The following TSPAN5 variants were observed in gnomAD, a reference collection of about 807,000 sequenced individuals.
TSPAN5 encodes tetraspanin-5.
TSPAN5 carries 10 observed loss-of-function variants against 37.1 expected under a neutral mutation model. The ratio of observed to expected loss-of-function variants is 0.27; its 90% CI spans 0.17 to 0.46. The LOEUF (loss-of-function observed/expected upper bound fraction) is 0.46. Ranked by LOEUF, TSPAN5 falls within the 20% of genes least tolerant of loss-of-function variation. TSPAN5 has a pLI of 1.00. For synonymous variants in TSPAN5, 110 were observed against 118.9 expected, an observed-to-expected ratio of 0.93 and a Z score of 0.48; for missense variants, 195 against 326.6, an observed-to-expected ratio of 0.60 and a Z score of 3.11.
At chr4:98,614,902 G>A (rs4699662) in intron 1 of TSPAN5, among the ~76,000 whole-genome samples, 39,607 of 152,054 alleles carry the variant, frequency 0.26, 5,672 homozygotes, top group South Asian at 0.45. Context: ...AAATGCCATC[G>A]CAGCCAACAG....
chr4:98,512,373 C>T (rs774994036), intron 1 of TSPAN5, among the ~76,000 whole-genome samples: 9 of 152,170 alleles, frequency 5.9e-5, no homozygotes, highest in East Asian at 1.9e-4. Context: ...AGCTCAGGGA[C>T]GGAGAACTGT....
chr4:98,615,212 T>A (rs1415326004), intron 1 of TSPAN5, among the ~76,000 whole-genome samples: 1 of 151,790 alleles, frequency 6.6e-6, no homozygotes, highest in Non-Finnish European at 1.5e-5. Flanking sequence ...TGCTACAGAG[T>A]TTTTGTGCCT....
chr4:98,511,312 T>C (rs1265188523), intron 1 of TSPAN5, among the ~76,000 whole-genome samples: 2 of 152,156 alleles, frequency 1.3e-5, no homozygotes, highest in African/African-American at 4.8e-5. Context: ...TTCTGAGAAA[T>C]GTGTAGTCAT....
intron 1 of TSPAN5, among the ~76,000 whole-genome samples, chr4:98,616,014 C>G (rs1354188114): frequency 6.6e-6 from 1 of 152,126 alleles, no homozygotes; most frequent in Admixed American, 6.5e-5. Context: ...GCACACACCA[C>G]CCCGGAGAGT....
intron 1 of TSPAN5, among the ~76,000 whole-genome samples, chr4:98,590,249 G>GCAAAAA (rs1321604049): frequency 3.9e-5 from 6 of 152,160 alleles, no homozygotes; most frequent in Non-Finnish European, 8.8e-5. Flanking sequence ...ATAGGGACCT[G>GCAAAAA]AGCCAGGAAG....
intron 1 of TSPAN5, among the ~76,000 whole-genome samples, chr4:98,580,805 G>A (rs147517013): frequency 1.4e-3 from 211 of 152,236 alleles, no homozygotes; most frequent in Non-Finnish European, 2.0e-3. Context: ...TTGGAGACCC[G>A]TACAGGAAGA....
chr4:98,525,329 C>T lies in TSPAN5; in HGVS notation c.82-17601G>A, dbSNP rs142276069. 4.9e-3 allele frequency among the ~76,000 whole-genome samples: 746 copies of T among 152,288 alleles called. 5 individuals are homozygous for T. Among genetic ancestry groups the T allele is most frequent in the Middle Eastern group, 0.014 (4 of 294 alleles). ...GTGCAGAGTTTGCACATTTGCCCCA[C>T]GTCTGCATGGGTTTTCTTTGGGTAC... On this transcript the variant is annotated intron_variant, in intron 1 of 7. Coordinates refer to ENST00000305798, the MANE Select transcript of TSPAN5 (RefSeq NM_005723.4).
chr4:98,558,109 AG>A (rs1211106549), intron 1 of TSPAN5, among the ~76,000 whole-genome samples: 1 of 152,238 alleles, frequency 6.6e-6, no homozygotes. Context: ...TAACAAATGC[AG>A]TATATTAACA....
At chr4:98,489,481 C>T (rs1318129352) in intron 2 of TSPAN5, among the ~76,000 whole-genome samples, 2 of 152,164 alleles carry the variant, frequency 1.3e-5, no homozygotes, top group Non-Finnish European at 2.9e-5. Flanking sequence ...GGTCCCCTCC[C>T]GTTGTATGGG....
intron 3 of TSPAN5, chr4:98,484,362 G>T: frequency 2.3e-6 from 1 of 439,606 alleles, no homozygotes; most frequent in Non-Finnish European, 4.5e-6. Flanking sequence ...GAGCTATTTG[G>T]AGTCCTGTGG....
At chr4:98,596,577 G>A (rs1352225238) in intron 1 of TSPAN5, among the ~76,000 whole-genome samples, 1 of 86,486 alleles carries the variant, frequency 1.2e-5, no homozygotes, top group Non-Finnish European at 2.1e-5. Flanking sequence ...GGTGGTACCG[G>A]TTGTTCCTTT....
At chr4:98,609,337 G>A (rs1454456210) in intron 1 of TSPAN5, among the ~76,000 whole-genome samples, 2 of 152,166 alleles carry the variant, frequency 1.3e-5, no homozygotes, top group Non-Finnish European at 2.9e-5. Context: ...AGCCAGAGTG[G>A]GGCGCACCCA....
At chr4:98,574,557 T>G (rs1267364890) in intron 1 of TSPAN5, 2 of 152,190 alleles carry the variant, frequency 1.3e-5, no homozygotes, top group Non-Finnish European at 2.9e-5. Flanking sequence ...TATCAAGGTT[T>G]CTCCCCTTCC....
intron 2 of TSPAN5, chr4:98,496,683 T>G (rs1484802506): frequency 6.6e-6 from 1 of 151,992 alleles, no homozygotes; most frequent in Non-Finnish European, 1.5e-5. Flanking sequence ...GAAACTACCA[T>G]CTCTACACAC....
rs1235272444 is a variant in TSPAN5, at chr4:98,507,687, C to CATTCATTCATT, written c.122_123insAATGAATGAAT (p.Trp41Ter). ...ATGATATTCAACTTACTTTTTCATT[C>CATTCATTCATT]CATGCCCACAGTCCAATTCCAAGAA... On this transcript the variant is annotated stop_gained and frameshift_variant, in exon 2 of 8. Transcript: ENST00000305798. LOFTEE classifies it high-confidence loss of function. 1 of 1,610,608 alleles carries CATTCATTCATT rather than the reference C, an allele frequency of 6.2e-7. No homozygotes were observed. The highest frequency in any genetic ancestry group is 8.5e-7 in the Non-Finnish European group (1 of 1,178,756).
chr4:98,649,276 C>T (rs559434453), intron 1 of TSPAN5, among the ~76,000 whole-genome samples: 1 of 152,086 alleles, frequency 6.6e-6, no homozygotes, highest in Non-Finnish European at 1.5e-5. Flanking sequence ...CCAGCACAGA[C>T]CCACCCACCC....
chr4:98,655,087 C>T lies in TSPAN5; in HGVS notation c.81+3059G>A, dbSNP rs145428719. On this transcript the variant is annotated intron_variant, in intron 1 of 7. Coordinates refer to ENST00000305798, the MANE Select transcript of TSPAN5 (RefSeq NM_005723.4). ...GTCTTGATTTCCTGAACTTGTGATC[C>T]GTCCACCTCAGCCTCCCAAAGTGCT... Among the ~76,000 whole-genome samples the T allele has an allele frequency of 4.9e-3, 749 of 152,296 alleles. 9 individuals carry two copies. The highest frequency in any genetic ancestry group is 0.017 in the African/African-American group (711 of 41,552).
chr4:98,501,253 T>C (rs757519268), intron 2 of TSPAN5, among the ~76,000 whole-genome samples: 1 of 152,228 alleles, frequency 6.6e-6, no homozygotes, highest in Non-Finnish European at 1.5e-5. Context: ...AAACCACACG[T>C]ATTTACCTCC....
At position 98,476,425 on chromosome 4, in the gene TSPAN5, G is replaced by T. The variant is rs1463354811; in HGVS notation, c.612C>A (p.Ala204=). ...AGATTCCACTTACTGGTTTTTGCCT[G>T]GCATCATAGCCACACTGAGTGTTGA... ...DVINTQCGYD[A]RQKPEVDQQI... The change falls in exon 6 of 8, where the codon GCC becomes GCA. Residue 204 remains alanine, a synonymous_variant. Coordinates refer to ENST00000305798, the MANE Select transcript of TSPAN5 (RefSeq NM_005723.4). 3 of 1,614,038 alleles carry T rather than the reference G, an allele frequency of 1.9e-6. No homozygotes were observed. In the Admixed American group the frequency reaches 5.0e-5, roughly 27 times the overall value.
Sources: allele counts gnomAD v4.1 joint callset (sites outside exome capture counted in the v4.1 genomes callset), GRCh38; gene constraint gnomAD v4.1.1; transcripts MANE v1.5; gene names NCBI Gene and HGNC (gene_info 2026-07-23, HGNC 2026-07-21).